ANKRD28: variants seen among roughly 807,000 people sequenced by gnomAD.
ANKRD28 encodes ankyrin repeat domain 28.
ANKRD28 carries 44 observed loss-of-function variants against 126.5 expected under a neutral mutation model. The observed-to-expected ratio is 0.35, with a 90% CI of 0.27 to 0.45. The LOEUF is 0.45. Among genes scored for constraint, ANKRD28 ranks in the 20% least tolerant of loss-of-function variants. ANKRD28 has a pLI of 1.00. For missense variants in ANKRD28, 1,110 were observed against 1,316.6 expected (o/e 0.84, Z 2.43); for synonymous variants, 442 against 468.5 (o/e 0.94, Z 0.73).
chr3:15,805,799 CA>C (rs1205158871), intron 1 of ANKRD28, among the ~76,000 whole-genome samples: 1 of 152,084 alleles, frequency 6.6e-6, no homozygotes, highest in African/African-American at 2.4e-5. Context: ...GCTATGGTTA[CA>C]AAATGTTTAC....
At chr3:15,803,203 C>T (rs764455820) in intron 1 of ANKRD28, among the ~76,000 whole-genome samples, 8 of 152,026 alleles carry the variant, frequency 5.3e-5, no homozygotes, top group Non-Finnish European at 8.8e-5. Flanking sequence ...GGCTTTGATA[C>T]GAAGAACGGA....
chr3:15,676,057 C>T (rs1354561262), intron 26 of ANKRD28, 68 bp from the exon 27 acceptor site: 1 of 1,321,196 alleles, frequency 7.6e-7, no homozygotes, highest in South Asian at 1.4e-5. Context: ...ACACACCTGG[C>T]TGTCAAAGAG....
At chr3:15,706,359 C>T (rs564349570) in intron 14 of ANKRD28, among the ~76,000 whole-genome samples, 2,576 of 76,432 alleles carry the variant, frequency 0.034, 72 homozygotes, top group African/African-American at 0.12. Context: ...TTTGTCCTTG[C>T]GATAGTTTGC....
chr3:15,734,452 T>C (rs2074874932), intron 6 of ANKRD28, among the ~76,000 whole-genome samples: 1 of 152,182 alleles, frequency 6.6e-6, no homozygotes, highest in South Asian at 2.1e-4. Context: ...AACATGTCAG[T>C]TCATATGTGC....
rs1459628170 is a variant in ANKRD28 at position 15,804,990 on chromosome 3, T to C, written c.28-9684A>G. ...CTAGAAGAATGCTGACTTTGCGCTC[T>C]TTCCTCCTCCCAACACACATGTACT... On this transcript the variant is annotated intron_variant, in intron 1 of 27. Transcript: ENST00000399451. Among the ~76,000 whole-genome samples the C allele has an allele frequency of 2.1e-5, 3 of 145,424 alleles. 1 individual carries two copies. The highest frequency in any genetic ancestry group is 6.0e-4 in the East Asian group (2 of 3,324).
At chr3:15,788,275 T>C (rs374748484) in intron 2 of ANKRD28, among the ~76,000 whole-genome samples, 11 of 152,172 alleles carry the variant, frequency 7.2e-5, no homozygotes, top group African/African-American at 2.7e-4. Flanking sequence ...CAGGAGTTCA[T>C]AGGGCACAGA....
rs756102017 is a variant in ANKRD28 at position 15,839,177 on chromosome 3, AATG to A, written c.27+20197_27+20199del. Among the ~76,000 whole-genome samples the A allele has an allele frequency of 2.0e-5, 3 of 152,186 alleles. No individual in the cohort carries two copies. Among genetic ancestry groups the A allele is most frequent in the Non-Finnish European group, 2.9e-5 (2 of 68,032 alleles). On this transcript the variant is annotated intron_variant, in intron 1 of 27. Coordinates refer to the ANKRD28 transcript ENST00000399451. This position sits in a 1 kb window ranked among gnomAD's most constrained non-coding sequence, Gnocchi z 4.3. ...TGAAAATACTCTAAAACTGGTTTGTAATGATGAGTGCAAAATTCTTTAAATTTA... is the reference window on the plus strand; with the variant it reads ...TGAAAATACTCTAAAACTGGTTTGTAATGAGTGCAAAATTCTTTAAATTTA...
chr3:15,823,192 T>G (rs2060981933), intron 1 of ANKRD28, among the ~76,000 whole-genome samples: 1 of 152,064 alleles, frequency 6.6e-6, no homozygotes, highest in South Asian at 2.1e-4. Context: ...TCCTAAGGAG[T>G]GCACAACCTA....
chr3:15,844,944 G>A (rs923391317), intron 1 of ANKRD28, among the ~76,000 whole-genome samples: 1 of 152,160 alleles, frequency 6.6e-6, no homozygotes, highest in Non-Finnish European at 1.5e-5. Context: ...TCTGCTTCTG[G>A]GGAAGCCTCA....
chr3:15,737,687 C>A (rs2700000), intron 4 of ANKRD28, among the ~76,000 whole-genome samples: 101,026 of 151,194 alleles, frequency 0.67, 34,263 homozygotes, highest in East Asian at 0.91. Flanking sequence ...GCTGGTCTCA[C>A]ACTCCTGGCC....
intron 6 of ANKRD28, among the ~76,000 whole-genome samples, chr3:15,729,050 C>G (rs144882404): frequency 4.6e-5 from 7 of 152,102 alleles, no homozygotes; most frequent in Admixed American, 3.9e-4. Flanking sequence ...GAAAGGGAAA[C>G]AGACTGCAGA....
chr3:15,701,536 C>A (rs1215512527), intron 14 of ANKRD28, among the ~76,000 whole-genome samples: 2 of 151,880 alleles, frequency 1.3e-5, no homozygotes, highest in African/African-American at 4.8e-5. Flanking sequence ...CCCAGCTCCT[C>A]GGGAGGCTGA....
At chr3:15,807,678 G>C (rs2060614245) in intron 1 of ANKRD28, among the ~76,000 whole-genome samples, 1 of 152,138 alleles carries the variant, frequency 6.6e-6, no homozygotes, top group Non-Finnish European at 1.5e-5. Flanking sequence ...CCAGTATAAT[G>C]CATAATCTAG....
chr3:15,712,014 A>G, intron 11 of ANKRD28, 126 bp downstream of exon 11: 1 of 742,994 alleles, frequency 1.3e-6, no homozygotes, highest in South Asian at 1.8e-5. Flanking sequence ...ACACGTTCTA[A>G]AAGGGGTTAT....
chr3:15,854,313 C>T lies in ANKRD28; in HGVS notation c.27+5064G>A, dbSNP rs2061715737. On this transcript the variant is annotated intron_variant, in intron 1 of 27. Coordinates refer to the ANKRD28 transcript ENST00000399451. The surrounding 1 kb of genome is among the most constrained non-coding windows in gnomAD (Gnocchi z 4.1). ...CCAATCAAGACTATCTCCTGATTAT[C>T]CCATCCATCCTTCCTGGCTTGCCTT... is the stretch of plus-strand genomic sequence containing the variant. Among the ~76,000 whole-genome samples the T allele has an allele frequency of 6.6e-6, 1 of 152,210 alleles. No homozygotes were observed.
intron 2 of ANKRD28, among the ~76,000 whole-genome samples, chr3:15,774,654 A>G (rs890773803): frequency 6.6e-6 from 1 of 152,192 alleles, no homozygotes; most frequent in African/African-American, 2.4e-5. Context: ...ACAAGATATC[A>G]AAAGCATTAA....
intron 21 of ANKRD28, chr3:15,683,890 G>A (rs575202812): frequency 1.3e-5 from 2 of 152,254 alleles, no homozygotes; most frequent in South Asian, 2.1e-4. Context: ...CAACTTCCTG[G>A]TAAGGCAGTC....
chr3:15,735,646 A>AT (rs2074968221), intron 5 of ANKRD28, 149 bp from the exon 6 acceptor site: 1 of 600,678 alleles, frequency 1.7e-6, no homozygotes, highest in African/African-American at 1.9e-5. Flanking sequence ...ACTGAAGGTC[A>AT]TTTAACATAA....
At chr3:15,803,629 A>AG (rs1559557818) in intron 1 of ANKRD28, among the ~76,000 whole-genome samples, 1 of 151,654 alleles carries the variant, frequency 6.6e-6, no homozygotes, top group African/African-American at 2.4e-5. Flanking sequence ...AAAAAAAAAA[A>AG]AAGAAATATA....
Sources: allele counts gnomAD v4.1 joint callset (sites outside exome capture counted in the v4.1 genomes callset), GRCh38; gene constraint gnomAD v4.1.1; non-coding constraint Gnocchi (gnomAD v3.1); transcripts MANE v1.5; gene names NCBI Gene and HGNC (gene_info 2026-07-23, HGNC 2026-07-21).